MARCHF1: variants seen among roughly 807,000 people sequenced by gnomAD.
The protein encoded by MARCHF1 is E3 ubiquitin-protein ligase MARCHF1.
MARCHF1 carries 40 observed loss-of-function variants against 54.2 expected under a neutral mutation model. The ratio of observed to expected loss-of-function variants is 0.74; its 90% CI spans 0.57 to 0.96. MARCHF1 has a LOEUF of 0.96. MARCHF1 is among the 40% of genes least tolerant of loss of function. The pLI, the probability that MARCHF1 is intolerant of heterozygous loss-of-function variation, is 0.00. For missense variants in MARCHF1, 586 were observed against 656.5 expected (o/e 0.89, Z 1.17); for synonymous variants, 236 against 236.3 (o/e 1.00, Z 0.01).
chr4:164,140,971 C>A (rs1756518695), intron 1 of MARCHF1, among the ~76,000 whole-genome samples: 1 of 152,170 alleles, frequency 6.6e-6, no homozygotes, highest in East Asian at 1.9e-4. Context: ...GACTGGAAAC[C>A]TATTTGCTAC....
At chr4:164,190,327 T>A in intron 1 of MARCHF1, 1 of 683,550 alleles carries the variant, frequency 1.5e-6, no homozygotes, top group South Asian at 1.9e-5. Flanking sequence ...CAGAAAAAGA[T>A]GAGTTGTAGA....
rs181465731 is a variant in MARCHF1 at position 163,633,180 on chromosome 4, T to C, written c.163-19787A>G. On this transcript the variant is annotated intron_variant, in intron 5 of 9. Coordinates refer to ENST00000514618, the MANE Select transcript of MARCHF1 (RefSeq NM_001394959.1). Reference sequence around the variant, plus strand: ...ACAGAAAAACTGGAAACTCTAAAAATCAGAGCGCCTCTCCTCCTCCAACGG... The same window carrying C: ...ACAGAAAAACTGGAAACTCTAAAAACCAGAGCGCCTCTCCTCCTCCAACGG... Among the ~76,000 whole-genome samples the C allele has an allele frequency of 2.5e-3, 384 of 152,130 alleles. 3 individuals are homozygous for C. The highest frequency in any genetic ancestry group is 4.1e-3 in the Non-Finnish European group (278 of 67,998).
chr4:163,917,811 C>A (rs1417155510), intron 3 of MARCHF1, among the ~76,000 whole-genome samples: 1 of 152,084 alleles, frequency 6.6e-6, no homozygotes, highest in African/African-American at 2.4e-5. Context: ...AGACCTTTGT[C>A]AGATGGATAA....
intron 1 of MARCHF1, among the ~76,000 whole-genome samples, chr4:164,241,905 C>A (rs1270612718): frequency 1.3e-5 from 2 of 152,228 alleles, no homozygotes; most frequent in African/African-American, 4.8e-5. Context: ...CACCCGAATA[C>A]TGCGCTTTTC....
At chr4:164,303,566 G>A (rs1162011816) in intron 1 of MARCHF1, among the ~76,000 whole-genome samples, 1 of 152,176 alleles carries the variant, frequency 6.6e-6, no homozygotes, top group African/African-American at 2.4e-5. Context: ...CTGGCACAGA[G>A]TAAATAAATT....
At chr4:163,899,375 A>T (rs947959591) in intron 3 of MARCHF1, among the ~76,000 whole-genome samples, 3 of 152,086 alleles carry the variant, frequency 2.0e-5, no homozygotes, top group Non-Finnish European at 4.4e-5. Flanking sequence ...AGCACTATAT[A>T]TGATAGATTA....
At chr4:164,099,595 T>C (rs1217215212) in intron 2 of MARCHF1, among the ~76,000 whole-genome samples, 1 of 152,170 alleles carries the variant, frequency 6.6e-6, no homozygotes, top group Non-Finnish European at 1.5e-5. Flanking sequence ...AAACTTCTTT[T>C]CAATATCAAA....
chr4:164,210,081 A>G (rs1027683625), intron 1 of MARCHF1, among the ~76,000 whole-genome samples: 3 of 152,184 alleles, frequency 2.0e-5, no homozygotes, highest in African/African-American at 7.2e-5. Context: ...ATATTATTCT[A>G]GTTTTCAGTT....
Position 163,620,596 on chromosome 4 carries a change from CACACACACACAGAGAGAG to C in MARCHF1, c.163-7221_163-7204del, listed in dbSNP as rs1371490562. On this transcript the variant is annotated intron_variant, in intron 5 of 9. Coordinates refer to ENST00000514618, the MANE Select transcript of MARCHF1 (RefSeq NM_001394959.1). ...ACACACACACACACACACACACACACACACACACACAGAGAGAGAGAGAGAGAGAGAGAGAGAGAGAGA... is the reference window on the plus strand; with the variant it reads ...ACACACACACACACACACACACACACAGAGAGAGAGAGAGAGAGAGAGAGA... Among the ~76,000 whole-genome samples the C allele has an allele frequency of 1.9e-4, 17 of 89,100 alleles. No individual in the cohort carries two copies. The East Asian group carries it at 3.8e-3, about 20-fold the overall frequency. The allele number at this position is 89,100 out of a possible 152,430, so 58.5% of individuals were successfully genotyped here.
At chr4:164,150,531 T>G (rs1042844814) in intron 1 of MARCHF1, among the ~76,000 whole-genome samples, 3 of 152,178 alleles carry the variant, frequency 2.0e-5, no homozygotes, top group Non-Finnish European at 4.4e-5. Flanking sequence ...GTGATTGTTC[T>G]GACCTTGCCC....
intron 3 of MARCHF1, among the ~76,000 whole-genome samples, chr4:163,957,828 A>G (rs1428109898): frequency 6.6e-6 from 1 of 152,066 alleles, no homozygotes; most frequent in Non-Finnish European, 1.5e-5. Flanking sequence ...CACAATTACC[A>G]TCCAGATATG....
At chr4:163,823,623 T>C (rs888716223) in intron 4 of MARCHF1, among the ~76,000 whole-genome samples, 6 of 151,936 alleles carry the variant, frequency 3.9e-5, no homozygotes, top group African/African-American at 1.4e-4. Context: ...GGTTATTAAA[T>C]TATTCTTAGA....
chr4:163,787,093 A>G (rs532803477), intron 4 of MARCHF1, among the ~76,000 whole-genome samples: 1 of 152,074 alleles, frequency 6.6e-6, no homozygotes, highest in South Asian at 2.1e-4. Context: ...TGGTTAACAG[A>G]TATAAACCAA....
Position 163,835,246 on chromosome 4 carries a change from ATTC to A in MARCHF1, c.111+18772_111+18774del, listed in dbSNP as rs139802835. On this transcript the variant is annotated intron_variant, in intron 4 of 9. Transcript: ENST00000514618. The stretch of plus-strand genomic sequence containing the variant: ...ATTCCATCATAACTACCAGGATAGC[ATTC>A]TTCTTATCATTTATAATAAATATAT... Among the ~76,000 whole-genome samples the A allele has an allele frequency of 8.4e-3, 1,280 of 152,314 alleles. 24 individuals are homozygous for A. The highest frequency in any genetic ancestry group is 0.027 in the African/African-American group (1,138 of 41,564).
At chr4:164,223,286 G>C (rs986668412) in intron 1 of MARCHF1, among the ~76,000 whole-genome samples, 2 of 151,972 alleles carry the variant, frequency 1.3e-5, no homozygotes, top group Non-Finnish European at 2.9e-5. Flanking sequence ...GACAGCAAAA[G>C]ATCATATATA....
chr4:163,939,256 G>A (rs554745957), intron 3 of MARCHF1, among the ~76,000 whole-genome samples: 26 of 152,122 alleles, frequency 1.7e-4, no homozygotes, highest in Non-Finnish European at 3.5e-4. Context: ...TGCTCACTAT[G>A]TGAGCTGATC....
chr4:163,709,409 C>T (rs922716071), intron 4 of MARCHF1, among the ~76,000 whole-genome samples: 10 of 152,026 alleles, frequency 6.6e-5, no homozygotes, highest in African/African-American at 2.4e-4. Flanking sequence ...GACCTCATCT[C>T]TAATTTTAAA....
intron 1 of MARCHF1, among the ~76,000 whole-genome samples, chr4:164,212,111 GAAGAA>G (rs575739100): frequency 1.3e-5 from 2 of 151,292 alleles, no homozygotes; most frequent in South Asian, 2.1e-4. Context: ...GGAGGATGAG[GAAGAA>G]AAGAAGGAAG....
intron 1 of MARCHF1, among the ~76,000 whole-genome samples, chr4:164,287,248 A>T (rs988749538): frequency 6.6e-6 from 1 of 151,780 alleles, no homozygotes; most frequent in Non-Finnish European, 1.5e-5. Flanking sequence ...TAGTCAAATT[A>T]GGGTTTTCAT....
Sources: allele counts gnomAD v4.1 joint callset (sites outside exome capture counted in the v4.1 genomes callset), GRCh38; gene constraint gnomAD v4.1.1; transcripts MANE v1.5; gene names NCBI Gene and HGNC (gene_info 2026-07-23, HGNC 2026-07-21).